Variants in C8orf34 observed in about 807,000 individuals in gnomAD.
The protein encoded by C8orf34 is uncharacterized protein C8orf34.
In C8orf34, 65 loss-of-function variants were observed where a neutral mutation model predicts 68.3. The observed-to-expected ratio is 0.95, with a 90% CI of 0.78 to 1.17. C8orf34 has a LOEUF of 1.17. C8orf34 is among the 50% of genes most tolerant of loss of function. The probability of loss-of-function intolerance (pLI) is 0.00; values close to 1 mark genes in which losing one functional copy is unlikely to be tolerated. For synonymous variants in C8orf34, 244 were observed against 241.2 expected (o/e 1.01, Z -0.11); for missense variants, 664 against 655.4 (o/e 1.01, Z -0.14).
chr8:68,615,966 G>A (rs1280116934), intron 7 of C8orf34, among the ~76,000 whole-genome samples: 1 of 150,982 alleles, frequency 6.6e-6, no homozygotes, highest in African/African-American at 2.5e-5. Context: ...CACAATTTCA[G>A]AGCCTGTTAT....
At chr8:68,416,758 T>C (rs1809688152) in intron 1 of C8orf34, among the ~76,000 whole-genome samples, 1 of 152,072 alleles carries the variant, frequency 6.6e-6, no homozygotes, top group South Asian at 2.1e-4. Flanking sequence ...CTCAAACTCC[T>C]GACTTCACGT....
chr8:68,420,887 A>G (rs1809937793), intron 1 of C8orf34, among the ~76,000 whole-genome samples: 1 of 149,868 alleles, frequency 6.7e-6, no homozygotes, highest in South Asian at 2.1e-4. Flanking sequence ...AAAAAAAAAA[A>G]GAATAGAAAT....
rs1269973241 is a variant in C8orf34 at position 68,463,353 on chromosome 8, A to G, written c.608-5339A>G. On this transcript the variant is annotated intron_variant, in intron 3 of 13. Coordinates refer to ENST00000518698, the MANE Select transcript of C8orf34 (RefSeq NM_052958.4). ...CCAGATGGATTCACAGCCGAATTCT[A>G]CCAGAGGTACAAGGAGGAACTGGTA... Among the ~76,000 whole-genome samples the G allele has an allele frequency of 5.9e-5, 9 of 152,128 alleles. 1 individual carries two copies.
intron 1 of C8orf34, among the ~76,000 whole-genome samples, chr8:68,388,762 T>A (rs1045754904): frequency 6.6e-6 from 1 of 152,018 alleles, no homozygotes; most frequent in African/African-American, 2.4e-5. Context: ...TATAGAGGGG[T>A]AAAATAACAA....
At chr8:68,708,791 G>A (rs1266955832) in intron 8 of C8orf34, among the ~76,000 whole-genome samples, 1 of 152,144 alleles carries the variant, frequency 6.6e-6, no homozygotes, top group African/African-American at 2.4e-5. Context: ...TATGTAACAG[G>A]AAGTATAGAA....
At chr8:68,710,855 A>G (rs1040061066) in intron 9 of C8orf34, among the ~76,000 whole-genome samples, 8 of 152,168 alleles carry the variant, frequency 5.3e-5, no homozygotes, top group Non-Finnish European at 1.2e-4. Flanking sequence ...CTGGAGGCCA[A>G]CCAACACAGA....
At chr8:68,680,655 GC>G (rs576427718) in intron 8 of C8orf34, among the ~76,000 whole-genome samples, 64 of 152,268 alleles carry the variant, frequency 4.2e-4, no homozygotes, top group Admixed American at 2.2e-3. Flanking sequence ...AAGGGAAAAA[GC>G]AAAACCACTG....
intron 4 of C8orf34, among the ~76,000 whole-genome samples, chr8:68,483,614 G>T (rs1257750831): frequency 6.6e-6 from 1 of 152,194 alleles, no homozygotes; most frequent in Non-Finnish European, 1.5e-5. Context: ...AAATCTTAGA[G>T]GCATTCCCAG....
At chr8:68,542,227 C>T (rs1272335260) in intron 7 of C8orf34, among the ~76,000 whole-genome samples, 2 of 152,158 alleles carry the variant, frequency 1.3e-5, no homozygotes, top group Non-Finnish European at 2.9e-5. Context: ...GAATTCCAAG[C>T]CTGCCTCAAA....
At chr8:68,648,648 C>T (rs766670542) in intron 8 of C8orf34, among the ~76,000 whole-genome samples, 22 of 152,060 alleles carry the variant, frequency 1.4e-4, no homozygotes, top group Admixed American at 2.6e-4. Context: ...AAAAGGGAGC[C>T]GAAAGCCATT....
intron 8 of C8orf34, among the ~76,000 whole-genome samples, chr8:68,653,570 T>G (rs1347658616): frequency 6.6e-6 from 1 of 152,118 alleles, no homozygotes; most frequent in Non-Finnish European, 1.5e-5. Flanking sequence ...AAGTCTGAGA[T>G]TGGGGTGCCA....
chr8:68,521,827 T>C lies in C8orf34; in HGVS notation c.794T>C (p.Leu265Pro), dbSNP rs1234985837. The C allele has an allele frequency of 3.1e-6, 5 of 1,613,770 alleles. No homozygotes were observed. In the South Asian group the frequency reaches 5.5e-5, roughly 18 times the overall value. ...ACAGTGACATTTAATTCTTCTCTTC[T>C]GAGGCCCCGTGTGATTGGAGAATGG... ...KETVTFNSSLLRPRVIGEWIG... is the reference protein window; with the variant it reads ...KETVTFNSSLPRPRVIGEWIG... Residue 265 changes from leucine to proline, a missense_variant, in exon 6 of 14, where the codon CTG becomes CCG. Physicochemically the swap from Leu to Pro is moderately conservative, Grantham distance 98. Coordinates refer to ENST00000518698, the MANE Select transcript of C8orf34 (RefSeq NM_052958.4).
At chr8:68,409,331 C>G (rs569818327) in intron 1 of C8orf34, among the ~76,000 whole-genome samples, 8 of 152,108 alleles carry the variant, frequency 5.3e-5, no homozygotes, top group African/African-American at 1.9e-4. Context: ...TATGTTATTG[C>G]CCCTGAAGAC....
At chr8:68,479,953 A>G (rs1812788607) in intron 4 of C8orf34, among the ~76,000 whole-genome samples, 7 of 152,226 alleles carry the variant, frequency 4.6e-5, no homozygotes, top group Admixed American at 4.6e-4. Flanking sequence ...TTACATTTTA[A>G]AAGAGTTATT....
At chr8:68,462,589 G>A (rs369587679) in intron 3 of C8orf34, among the ~76,000 whole-genome samples, 15,281 of 149,582 alleles carry the variant, frequency 0.1, 859 homozygotes, top group African/African-American at 0.13. Context: ...ATAACACACT[G>A]TCTCTCAGAC....
At chr8:68,534,106 A>G in intron 7 of C8orf34, 2 of 982,648 alleles carry the variant, frequency 2.0e-6, no homozygotes, top group African/African-American at 1.7e-5. Flanking sequence ...GTAAAATACT[A>G]TCATTATAAA....
intron 7 of C8orf34, among the ~76,000 whole-genome samples, chr8:68,556,748 T>G (rs754859603): frequency 2.0e-5 from 3 of 152,200 alleles, no homozygotes; most frequent in Non-Finnish European, 4.4e-5. Flanking sequence ...TGCAAAGTTC[T>G]TGTGGATTTT....
At chr8:68,616,712 A>G (rs1164961395) in intron 7 of C8orf34, among the ~76,000 whole-genome samples, 1 of 152,052 alleles carries the variant, frequency 6.6e-6, no homozygotes, top group South Asian at 2.1e-4. Context: ...ACTTCCAACT[A>G]TGTGGTCAAT....
intron 9 of C8orf34, among the ~76,000 whole-genome samples, chr8:68,717,991 T>C (rs1458361229): frequency 6.6e-6 from 1 of 152,184 alleles, no homozygotes; most frequent in East Asian, 1.9e-4. Flanking sequence ...GGAGTCAGCC[T>C]GGTTTCTGCT....
Sources: allele counts gnomAD v4.1 joint callset (sites outside exome capture counted in the v4.1 genomes callset), GRCh38; gene constraint gnomAD v4.1.1; transcripts MANE v1.5; gene names NCBI Gene and HGNC (gene_info 2026-07-23, HGNC 2026-07-21).